The following MMP26 variants were observed in gnomAD, a reference collection of about 807,000 sequenced individuals.
MMP26 encodes matrix metalloproteinase-26.
A neutral mutation model predicts 31.0 loss-of-function variants in MMP26; 33 were observed. That is an observed-to-expected ratio of 1.06 (90% CI 0.81 to 1.42). The LOEUF (loss-of-function observed/expected upper bound fraction) is 1.42. Ranked by LOEUF, MMP26 falls within the 40% of genes most tolerant of loss-of-function variation. MMP26 has a pLI of 0.00. For missense variants in MMP26, 347 were observed against 316.1 expected (o/e 1.10, Z -0.74); for synonymous variants, 122 against 114.9 (o/e 1.06, Z -0.40).
chr11:4,850,368 A>G (rs1849958149), intron 2 of MMP26, among the ~76,000 whole-genome samples: 1 of 152,188 alleles, frequency 6.6e-6, no homozygotes, highest in Non-Finnish European at 1.5e-5. Context: ...TAGCAAAACC[A>G]ATAAGACACT....
chr11:4,898,543 A>G (rs1021570825), intron 2 of MMP26, among the ~76,000 whole-genome samples: 12 of 151,840 alleles, frequency 7.9e-5, no homozygotes, highest in Non-Finnish European at 1.8e-4. Flanking sequence ...GGACTTTCTC[A>G]TTGTTTCTAT....
At chr11:4,961,090 C>T (rs1846514538) in intron 2 of MMP26, among the ~76,000 whole-genome samples, 1 of 152,114 alleles carries the variant, frequency 6.6e-6, no homozygotes, top group South Asian at 2.1e-4. Flanking sequence ...GTCATCACCA[C>T]ATATAGTCAC....
chr11:4,821,895 G>T, intron 2 of MMP26: 1 of 1,613,970 alleles, frequency 6.2e-7, no homozygotes, highest in Non-Finnish European at 8.5e-7. Flanking sequence ...TTGCCGTCAT[G>T]TTGCCAGTCA....
intron 1 of MMP26, among the ~76,000 whole-genome samples, chr11:4,757,675 A>T (rs1848521220): frequency 6.6e-6 from 1 of 152,064 alleles, no homozygotes; most frequent in Non-Finnish European, 1.5e-5. Flanking sequence ...TATAAAAATG[A>T]CTAACAAGCC....
In MMP26 at chr11:4,855,835, AC is replaced by A. The variant is rs1320162479; in HGVS notation, c.-145+88497del. ...GGCAGCCAGAGAGAAAGGTCGCGTT[AC>A]CCACAAAGGGAAGCCCACCACATTA... On this transcript the variant is annotated intron_variant, in intron 2 of 7. Transcript: ENST00000380390. Among the ~76,000 whole-genome samples the A allele has an allele frequency of 5.3e-5, 8 of 152,342 alleles. No individual in the cohort carries two copies. In the East Asian group the frequency reaches 1.5e-3, roughly 29 times the overall value.
chr11:4,849,666 C>A (rs1849946089), intron 2 of MMP26, among the ~76,000 whole-genome samples: 1 of 152,076 alleles, frequency 6.6e-6, no homozygotes, highest in African/African-American at 2.4e-5. Flanking sequence ...TATTAAGTCC[C>A]CAATTACTCC....
intron 2 of MMP26, among the ~76,000 whole-genome samples, chr11:4,862,249 C>T (rs973843835): frequency 1.3e-5 from 2 of 152,056 alleles, no homozygotes; most frequent in African/African-American, 2.4e-5. Context: ...CTAAACATTG[C>T]GTACGTATTT....
intron 2 of MMP26, among the ~76,000 whole-genome samples, chr11:4,872,398 C>G (rs924757636): frequency 6.6e-6 from 1 of 152,026 alleles, no homozygotes; most frequent in Admixed American, 6.6e-5. Context: ...AGAACTAACA[C>G]TTCTAACTGT....
intron 2 of MMP26, among the ~76,000 whole-genome samples, chr11:4,898,831 CTGTGTGTGTGTGTG>C (rs1157500335): frequency 0.016 from 1,465 of 94,212 alleles, 24 homozygotes; most frequent in African/African-American, 0.055. Context: ...CTCTCTCTCT[CTGTGTGTGTGTGTG>C]TGTGTGTGTG....
chr11:4,913,340 A>T (rs997628894), intron 2 of MMP26: 4 of 152,180 alleles, frequency 2.6e-5, no homozygotes, highest in Admixed American at 2.0e-4. Context: ...ACTGGTCCAC[A>T]TACACTTCAT....
intron 2 of MMP26, among the ~76,000 whole-genome samples, chr11:4,805,911 T>C (rs1849262560): frequency 6.6e-6 from 1 of 152,196 alleles, no homozygotes; most frequent in South Asian, 2.1e-4. Flanking sequence ...ACTTTTTCAC[T>C]AAACTCAGTT....
chr11:4,924,181 A>C (rs749790961), intron 2 of MMP26: 2 of 1,614,108 alleles, frequency 1.2e-6, no homozygotes, highest in Non-Finnish European at 1.7e-6. Flanking sequence ...GAGTGGCATC[A>C]GTACAAATGA....
chr11:4,872,909 C>A (rs540996752), intron 2 of MMP26, among the ~76,000 whole-genome samples: 1 of 152,202 alleles, frequency 6.6e-6, no homozygotes, highest in Admixed American at 6.6e-5. Flanking sequence ...GTTGAAGAGA[C>A]AAGCTGGACA....
Position 4,707,014 on chromosome 11 carries a change from A to G in MMP26, c.-217+1969A>G, listed in dbSNP as rs552625981. 3.3e-5 allele frequency among the ~76,000 whole-genome samples: 5 copies of G among 152,316 alleles called. No homozygotes were observed. In the East Asian group the frequency reaches 9.6e-4, roughly 29 times the overall value. ...TTTAGGTTGTTTCCATATGTTGGCT[A>G]TTGTGACTAATTCTGCAATGAATAT... On this transcript the variant is annotated intron_variant, in intron 1 of 7. Transcript: ENST00000380390.
At chr11:4,843,058 G>T (rs190135479) in intron 2 of MMP26, among the ~76,000 whole-genome samples, 150 of 152,278 alleles carry the variant, frequency 9.9e-4, no homozygotes, top group Non-Finnish European at 1.7e-3. Flanking sequence ...GATGCAAGGC[G>T]TGGCCTCTCA....
intron 2 of MMP26, chr11:4,915,379 T>C: frequency 6.2e-7 from 1 of 1,614,028 alleles, no homozygotes; most frequent in Non-Finnish European, 8.5e-7. Context: ...GGCTAATTTC[T>C]CGTGCTCCAA....
intron 1 of MMP26, among the ~76,000 whole-genome samples, chr11:4,742,407 T>C (rs1848326737): frequency 6.6e-6 from 1 of 152,122 alleles, no homozygotes; most frequent in African/African-American, 2.4e-5. Flanking sequence ...GAGACCTAAG[T>C]TCCAAGTATA....
chr11:4,863,920 A>G (rs17329242), intron 2 of MMP26, among the ~76,000 whole-genome samples: 14,610 of 147,614 alleles, frequency 0.099, 899 homozygotes, highest in Middle Eastern at 0.19. Flanking sequence ...GCATAGTCTT[A>G]GGTGTGAACT....
At chr11:4,890,271 A>C (rs1321199797) in intron 2 of MMP26, 4 of 153,866 alleles carry the variant, frequency 2.6e-5, no homozygotes, top group African/African-American at 7.2e-5. Context: ...CATATCTGTG[A>C]ATCCATGAAT....
Sources: gnomAD v4.1 joint callset for allele counts (sites outside exome capture counted in the v4.1 genomes callset) on GRCh38, gnomAD v4.1.1 for gene constraint, MANE v1.5 for transcripts, NCBI Gene and HGNC (gene_info 2026-07-23, HGNC 2026-07-21) for gene names.